RASSF3: variants seen among roughly 807,000 people sequenced by gnomAD.
RASSF3 encodes the protein ras association domain-containing protein 3.
In RASSF3, 19 loss-of-function variants were observed where a neutral mutation model predicts 19.9. The observed-to-expected ratio is 0.96, with a 90% CI of 0.67 to 1.40. The LOEUF (loss-of-function observed/expected upper bound fraction) is 1.40, where lower values mean the gene tolerates loss of function less well. RASSF3 is among the 40% of genes most tolerant of loss of function. The pLI, the probability that RASSF3 is intolerant of heterozygous loss-of-function variation, is 0.00. For synonymous variants in RASSF3, 110 were observed against 104.2 expected (o/e 1.06, Z -0.34); for missense variants, 306 against 289.8 (o/e 1.06, Z -0.41).
chr12:64,696,118 C>CCTCACTCACTCCCTCCCTCCCTCA lies in RASSF3; in HGVS notation c.*1209_*1210insACTCACTCCCTCCCTCCCTCACTC, dbSNP rs1555217641. 7.8e-5 allele frequency: 7 copies of CCTCACTCACTCCCTCCCTCCCTCA among 89,756 alleles called. No homozygotes were observed. The highest frequency in any genetic ancestry group is 2.0e-4 in the African/African-American group (4 of 20,344). The allele number at this position is 89,756 out of a possible 1,614,324, so 5.6% of individuals were successfully genotyped here. On this transcript the variant is annotated 3_prime_UTR_variant, in exon 5 of 5. Transcript: ENST00000542104. ...CCCTCCCTCCCTCCCTCCCTCCCTC[C>CCTCACTCACTCCCTCCCTCCCTCA]CTCCTTCCCTCCCTCTCTCTCCCTC...
chr12:64,516,047 A>G (rs1039073213), intron 1 of RASSF3, among the ~76,000 whole-genome samples: 16 of 151,834 alleles, frequency 1.1e-4, no homozygotes, highest in African/African-American at 3.9e-4. Context: ...GTTGTATGGT[A>G]TTTTCAATAT....
Position 64,681,011 on chromosome 12 carries a change from C to T in RASSF3, c.112-3776C>T, listed in dbSNP as rs577889645. On this transcript the variant is annotated intron_variant, in intron 1 of 4. Coordinates refer to ENST00000542104, the MANE Select transcript of RASSF3 (RefSeq NM_178169.4). ...ATGATCCAGGGAAAATTTCTCTTTC[C>T]AGACTGGCTTACTCTTTGGATTTTC... is the stretch of plus-strand genomic sequence containing the variant. 1.7e-3 allele frequency among the ~76,000 whole-genome samples: 252 copies of T among 152,230 alleles called. 3 individuals are homozygous for T. In the Middle Eastern group the frequency reaches 0.024, roughly 14 times the overall value.
chr12:64,565,939 G>A (rs772165433), intron 2 of RASSF3, among the ~76,000 whole-genome samples: 12 of 150,188 alleles, frequency 8.0e-5, no homozygotes, highest in Non-Finnish European at 1.6e-4. Flanking sequence ...GGTGGCTCAC[G>A]CCTATAATCA....
intron 1 of RASSF3, among the ~76,000 whole-genome samples, chr12:64,517,739 C>T (rs1160003979): frequency 6.6e-6 from 1 of 151,974 alleles, no homozygotes; most frequent in East Asian, 1.9e-4. Context: ...CCACCTCAGC[C>T]TCCCTAGTAG....
At chr12:64,527,233 C>T (rs1381949043) in intron 1 of RASSF3, among the ~76,000 whole-genome samples, 1 of 152,138 alleles carries the variant, frequency 6.6e-6, no homozygotes, top group Non-Finnish European at 1.5e-5. Flanking sequence ...AGCAGAGAAC[C>T]GGACTAAGAA....
At chr12:64,675,007 T>C (rs544528809) in intron 1 of RASSF3, among the ~76,000 whole-genome samples, 2 of 148,274 alleles carry the variant, frequency 1.3e-5, no homozygotes, top group East Asian at 2.0e-4. Context: ...TTTTATTTTT[T>C]AGACTATGTG....
rs558194191 is a variant in RASSF3 at position 64,587,075 on chromosome 12, C to T, written c.294+45370C>T. On this transcript the variant is annotated intron_variant, in intron 2 of 5. Transcript: ENST00000637125. Reference sequence around the variant, plus strand: ...ACTTTTTTTTTTTTTTTTTTTGAGACGGAGTTTCGCTCTTGTTGCCCAGGC... The same window carrying T: ...ACTTTTTTTTTTTTTTTTTTTGAGATGGAGTTTCGCTCTTGTTGCCCAGGC... 3.4e-4 allele frequency among the ~76,000 whole-genome samples: 38 copies of T among 111,790 alleles called. No homozygotes were observed. In the East Asian group the frequency reaches 3.8e-3, roughly 11 times the overall value. 73.3% of individuals were successfully genotyped at this position (111,790 alleles called of 152,430 possible).
intron 2 of RASSF3, among the ~76,000 whole-genome samples, chr12:64,547,690 G>A (rs1869091896): frequency 6.6e-6 from 1 of 152,106 alleles, no homozygotes; most frequent in Non-Finnish European, 1.5e-5. Flanking sequence ...GATGAAAGCT[G>A]GTATTCAGTT....
At position 64,670,939 on chromosome 12, in the gene RASSF3, T is replaced by TA. The variant is rs376719605; in HGVS notation, c.112-13845dup. The stretch of plus-strand genomic sequence containing the variant: ...ACTAACTTTGTGTCCTCCGGCAAAA[T>TA]AAATCTCCCTAAGCCTCTATTTCCT... On this transcript the variant is annotated intron_variant, in intron 1 of 4. Transcript: ENST00000542104. Among the ~76,000 whole-genome samples the TA allele has an allele frequency of 3.7e-3, 562 of 152,256 alleles. 4 individuals are homozygous for TA. Among genetic ancestry groups the TA allele is most frequent in the African/African-American group, 0.013 (531 of 41,544 alleles).
At chr12:64,620,645 A>AT (rs1870722049) in intron 1 of RASSF3, among the ~76,000 whole-genome samples, 1 of 152,188 alleles carries the variant, frequency 6.6e-6, no homozygotes, top group Admixed American at 6.5e-5. Context: ...ATATTGGAAA[A>AT]TGTGGAGGTT....
At chr12:64,594,939 C>T (rs1226075088) in intron 2 of RASSF3, among the ~76,000 whole-genome samples, 1 of 151,692 alleles carries the variant, frequency 6.6e-6, no homozygotes, top group East Asian at 1.9e-4. Flanking sequence ...AAGATGTCCT[C>T]TTCTCTACCA....
intron 1 of RASSF3, chr12:64,628,338 A>G (rs1203899708): frequency 6.6e-6 from 1 of 152,230 alleles, no homozygotes; most frequent in African/African-American, 2.4e-5. Flanking sequence ...CACGTTCCTC[A>G]AAACCAGGAC....
chr12:64,520,591 T>TATATAC, intron 1 of RASSF3, among the ~76,000 whole-genome samples: 1 of 137,506 alleles, frequency 7.3e-6, no homozygotes, highest in South Asian at 2.3e-4. Context: ...TATATATATA[T>TATATAC]ATATGCACAT....
At chr12:64,655,523 A>C (rs1872125874) in intron 1 of RASSF3, among the ~76,000 whole-genome samples, 1 of 151,990 alleles carries the variant, frequency 6.6e-6, no homozygotes, top group South Asian at 2.1e-4. Context: ...TATGTTGCCC[A>C]GGCTGTCTCA....
chr12:64,507,549 C>T (rs552620991), intron 1 of RASSF3: 3 of 350,764 alleles, frequency 8.6e-6, no homozygotes, highest in African/African-American at 2.1e-5. Context: ...AACATTGTTA[C>T]AATCCAATTG....
chr12:64,651,360 T>C (rs946699704), intron 1 of RASSF3, among the ~76,000 whole-genome samples: 1 of 152,090 alleles, frequency 6.6e-6, no homozygotes, highest in African/African-American at 2.4e-5. Context: ...CCACTTAATG[T>C]TTTTGTTTTT....
chr12:64,571,571 CT>C (rs1171125043), intron 2 of RASSF3, among the ~76,000 whole-genome samples: 1 of 152,028 alleles, frequency 6.6e-6, no homozygotes, highest in African/African-American at 2.4e-5. Flanking sequence ...CTCCTTTGTA[CT>C]TTTTTTTCTT....
chr12:64,655,579 T>A (rs1260162777), intron 1 of RASSF3, among the ~76,000 whole-genome samples: 1 of 152,074 alleles, frequency 6.6e-6, no homozygotes, highest in Admixed American at 6.6e-5. Context: ...TCCCAAATTA[T>A]TGGGATTACA....
chr12:64,587,576 G>A (rs564957167), intron 2 of RASSF3, among the ~76,000 whole-genome samples: 20 of 152,250 alleles, frequency 1.3e-4, no homozygotes, highest in African/African-American at 4.3e-4. Context: ...AGTGGGTCAC[G>A]ATTCACAGGA....
Sources: gnomAD v4.1 joint callset for allele counts (sites outside exome capture counted in the v4.1 genomes callset) on GRCh38, gnomAD v4.1.1 for gene constraint, MANE v1.5 for transcripts, NCBI Gene and HGNC (gene_info 2026-07-23, HGNC 2026-07-21) for gene names.